Variants in ARID4B observed in about 807,000 individuals in gnomAD.
ARID4B encodes AT-rich interactive domain-containing protein 4B.
ARID4B carries 26 observed loss-of-function variants against 147.5 expected under a neutral mutation model. The ratio of observed to expected loss-of-function variants is 0.18; its 90% confidence interval spans 0.13 to 0.24. The LOEUF (loss-of-function observed/expected upper bound fraction) is 0.24. Among genes scored for constraint, ARID4B ranks in the 10% least tolerant of loss-of-function variants. The probability of loss-of-function intolerance (pLI) is 1.00; values close to 1 mark genes in which losing one functional copy is unlikely to be tolerated. For synonymous variants in ARID4B, 512 were observed against 507.9 expected (o/e 1.01, Z -0.11); for missense variants, 1,179 against 1,511.5 (o/e 0.78, Z 3.65).
intron 2 of ARID4B, among the ~76,000 whole-genome samples, chr1:235,281,200 C>T (rs531132817): frequency 6.6e-6 from 1 of 152,220 alleles, no homozygotes; most frequent in African/African-American, 2.4e-5. Flanking sequence ...GCGGGTGGAT[C>T]ACTTGAGCCC....
In ARID4B at chr1:235,181,571, A is replaced by G. The variant is rs758633063; in HGVS notation, c.3334+14T>C. ...AACCCTAAAATAAGTCAACATACAC[A>G]TTTTCCTTCTCACCTTTTTCAGGAT... On this transcript the variant is annotated intron_variant, in intron 20 of 23. Coordinates refer to ENST00000264183, the MANE Select transcript of ARID4B (RefSeq NM_016374.6). 6.2e-7 allele frequency: 1 copy of G among 1,607,660 alleles called. No homozygotes were observed. Among genetic ancestry groups the G allele is most frequent in the South Asian group, 1.1e-5 (1 of 90,412 alleles).
intron 10 of ARID4B, among the ~76,000 whole-genome samples, chr1:235,230,789 G>A (rs548211908): frequency 4.0e-5 from 6 of 151,838 alleles, no homozygotes; most frequent in African/African-American, 9.7e-5. Flanking sequence ...CGGGCATGGC[G>A]GCGTGTGCCT....
At chr1:235,299,274 C>T (rs1019571281) in intron 2 of ARID4B, among the ~76,000 whole-genome samples, 2 of 152,152 alleles carry the variant, frequency 1.3e-5, no homozygotes, top group Non-Finnish European at 2.9e-5. Flanking sequence ...AGTGCAATGG[C>T]GTGATCTTGG....
At chr1:235,319,998 A>T (rs1674710054) in intron 2 of ARID4B, among the ~76,000 whole-genome samples, 1 of 151,970 alleles carries the variant, frequency 6.6e-6, no homozygotes, top group Non-Finnish European at 1.5e-5. Context: ...ATGGTGGCAC[A>T]TGCCTGTAGT....
intron 2 of ARID4B, among the ~76,000 whole-genome samples, chr1:235,319,944 T>C (rs1295389397): frequency 6.6e-6 from 1 of 151,854 alleles, no homozygotes; most frequent in African/African-American, 2.4e-5. Context: ...CTGGCCAACA[T>C]GGTGAAACCC....
At chr1:235,206,634 C>A (rs1666322998) in intron 17 of ARID4B, among the ~76,000 whole-genome samples, 1 of 152,088 alleles carries the variant, frequency 6.6e-6, no homozygotes, top group African/African-American at 2.4e-5. Context: ...GCTGGAGCAG[C>A]TGGAGCCCAA....
At chr1:235,169,971 T>C (rs1244519718) in intron 23 of ARID4B, among the ~76,000 whole-genome samples, 1 of 152,124 alleles carries the variant, frequency 6.6e-6, no homozygotes, top group Non-Finnish European at 1.5e-5. Flanking sequence ...CTCTCTGTTA[T>C]AAATTAGTGT....
At chr1:235,305,776 T>C (rs996252955) in intron 2 of ARID4B, among the ~76,000 whole-genome samples, 5 of 151,972 alleles carry the variant, frequency 3.3e-5, no homozygotes, top group African/African-American at 9.7e-5. Context: ...CTAGGCAACA[T>C]AGTGAGACCC....
intron 2 of ARID4B, among the ~76,000 whole-genome samples, chr1:235,326,150 TAA>T (rs35263210): frequency 5.5e-5 from 8 of 145,518 alleles, no homozygotes; most frequent in African/African-American, 1.0e-4. Flanking sequence ...AGCATGTGTT[TAA>T]AAAAAAAAAA....
intron 2 of ARID4B, among the ~76,000 whole-genome samples, chr1:235,295,505 T>G (rs1672634409): frequency 7.5e-6 from 1 of 134,106 alleles, no homozygotes; most frequent in Admixed American, 7.7e-5. Flanking sequence ...AAAGCAAGAC[T>G]CCATCTCAAT....
At chr1:235,290,462 A>T (rs1243836892) in intron 2 of ARID4B, among the ~76,000 whole-genome samples, 2 of 152,096 alleles carry the variant, frequency 1.3e-5, no homozygotes, top group Non-Finnish European at 2.9e-5. Flanking sequence ...ATGTGCTTTA[A>T]TCAGTAACCC....
chr1:235,236,486 A>C, intron 8 of ARID4B, among the ~76,000 whole-genome samples: 1 of 137,466 alleles, frequency 7.3e-6, no homozygotes, highest in Admixed American at 7.5e-5. Context: ...AAGACTTACA[A>C]AACAGTTGTG....
At chr1:235,232,154 T>C (rs1201479895) in intron 9 of ARID4B, among the ~76,000 whole-genome samples, 1 of 152,138 alleles carries the variant, frequency 6.6e-6, no homozygotes, top group Non-Finnish European at 1.5e-5. Context: ...GTGCAGTGGT[T>C]CACAACTGTA....
chr1:235,182,960 G>A (rs1214269394), intron 19 of ARID4B, among the ~76,000 whole-genome samples, 167 bp from the exon 20 acceptor site: 1 of 152,052 alleles, frequency 6.6e-6, no homozygotes, highest in Non-Finnish European at 1.5e-5. Flanking sequence ...GAGGCTAAGA[G>A]GCTCTTCCAA....
intron 2 of ARID4B, among the ~76,000 whole-genome samples, chr1:235,313,846 C>G (rs1160552047): frequency 6.6e-6 from 1 of 152,122 alleles, no homozygotes; most frequent in Non-Finnish European, 1.5e-5. Context: ...TTATCACCTT[C>G]TACTAAACAT....
chr1:235,184,454 G>A (rs1457649377), intron 19 of ARID4B, among the ~76,000 whole-genome samples: 2 of 151,860 alleles, frequency 1.3e-5, no homozygotes, highest in African/African-American at 4.8e-5. Context: ...AAAAAAAAGG[G>A]ACTGGGGTTT....
At chr1:235,237,685 CA>C (rs754322309) in intron 8 of ARID4B, among the ~76,000 whole-genome samples, 27 of 152,192 alleles carry the variant, frequency 1.8e-4, no homozygotes, top group Non-Finnish European at 3.1e-4. Context: ...CACAAATATA[CA>C]AAAGAGTTTA....
At chr1:235,224,496 C>T (rs1486739411) in intron 12 of ARID4B, among the ~76,000 whole-genome samples, 1 of 152,088 alleles carries the variant, frequency 6.6e-6, no homozygotes, top group Non-Finnish European at 1.5e-5. Context: ...TGTCCATAGC[C>T]ACAATATCTG....
At chr1:235,294,843 T>C (rs1233511709) in intron 2 of ARID4B, among the ~76,000 whole-genome samples, 1 of 151,476 alleles carries the variant, frequency 6.6e-6, no homozygotes, top group Non-Finnish European at 1.5e-5. Flanking sequence ...CTCAACATTT[T>C]GAAACCATGT....
Sources: gnomAD v4.1 joint callset for allele counts (sites outside exome capture counted in the v4.1 genomes callset) on GRCh38, gnomAD v4.1.1 for gene constraint, MANE v1.5 for transcripts, NCBI Gene and HGNC (gene_info 2026-07-23, HGNC 2026-07-21) for gene names.